Variants in GULP1 observed in about 807,000 individuals in gnomAD.
GULP1 encodes PTB domain-containing engulfment adapter protein 1.
GULP1 carries 19 observed loss-of-function variants against 40.9 expected under a neutral mutation model. That is an observed-to-expected ratio of 0.46 (90% CI 0.32 to 0.68). GULP1 has a LOEUF of 0.68. Among genes scored for constraint, GULP1 ranks in the 30% least tolerant of loss-of-function variants. The pLI, the probability that GULP1 is intolerant of heterozygous loss-of-function variation, is 0.03. For missense variants in GULP1, 312 were observed against 362.2 expected (o/e 0.86, Z 1.12); for synonymous variants, 119 against 117.6 (o/e 1.01, Z -0.08).
At chr2:188,335,169 A>G (rs1008231623) in intron 1 of GULP1, among the ~76,000 whole-genome samples, 2 of 152,250 alleles carry the variant, frequency 1.3e-5, no homozygotes, top group Non-Finnish European at 2.9e-5. Context: ...GCCAGACTAG[A>G]AAGGTAATAT....
chr2:188,531,763 A>C (rs115071255), intron 6 of GULP1, among the ~76,000 whole-genome samples: 555 of 152,354 alleles, frequency 3.6e-3, no homozygotes, highest in Non-Finnish European at 6.1e-3. Context: ...ATAAAGAACA[A>C]TAGACCAAGG....
At chr2:188,526,690 G>C (rs904427468) in intron 5 of GULP1, among the ~76,000 whole-genome samples, 1 of 152,086 alleles carries the variant, frequency 6.6e-6, no homozygotes, top group African/African-American at 2.4e-5. Flanking sequence ...TGTAACATAT[G>C]TTCAAAAATC....
At chr2:188,473,367 A>G (rs1206880524) in intron 2 of GULP1, among the ~76,000 whole-genome samples, 2 of 152,148 alleles carry the variant, frequency 1.3e-5, no homozygotes, top group African/African-American at 4.8e-5. Context: ...CATTCAGGGC[A>G]CTGTGTTATC....
intron 2 of GULP1, among the ~76,000 whole-genome samples, chr2:188,446,209 T>C (rs974653171): frequency 2.0e-5 from 3 of 152,088 alleles, no homozygotes; most frequent in African/African-American, 7.2e-5. Flanking sequence ...ATTACCTAAA[T>C]AGAGACAGCC....
intron 1 of GULP1, among the ~76,000 whole-genome samples, chr2:188,377,548 C>A (rs1008741790): frequency 5.9e-5 from 9 of 152,174 alleles, no homozygotes; most frequent in African/African-American, 1.7e-4. Flanking sequence ...TTAAGCCAGT[C>A]AGTGATTCTG....
chr2:188,341,437 T>C (rs1465835135), intron 1 of GULP1, among the ~76,000 whole-genome samples: 11 of 152,050 alleles, frequency 7.2e-5, no homozygotes, highest in Admixed American at 3.9e-4. Flanking sequence ...ACCTCCAATA[T>C]TGGGGATTAT....
At chr2:188,563,794 C>T (rs961912162) in intron 7 of GULP1, among the ~76,000 whole-genome samples, 5 of 151,638 alleles carry the variant, frequency 3.3e-5, no homozygotes, top group African/African-American at 9.7e-5. Context: ...ACTGTGTTAC[C>T]CTGATTGAAA....
At chr2:188,420,382 C>G (rs1455816812) in intron 2 of GULP1, among the ~76,000 whole-genome samples, 1 of 152,090 alleles carries the variant, frequency 6.6e-6, no homozygotes, top group Non-Finnish European at 1.5e-5. Flanking sequence ...GTATACAAAT[C>G]TCTCCTTAGT....
intron 7 of GULP1, among the ~76,000 whole-genome samples, chr2:188,555,794 C>T (rs1373048951): frequency 6.6e-6 from 1 of 152,026 alleles, no homozygotes; most frequent in Non-Finnish European, 1.5e-5. Context: ...GGTGTGGTGG[C>T]TTATACCTGT....
chr2:188,472,302 T>TA (rs2060655499), intron 2 of GULP1, among the ~76,000 whole-genome samples: 1 of 152,176 alleles, frequency 6.6e-6, no homozygotes, highest in Admixed American at 6.5e-5. Flanking sequence ...CGTACTTGGA[T>TA]ATTGCTCTCT....
chr2:188,372,366 T>A (rs2047710007), intron 1 of GULP1, among the ~76,000 whole-genome samples: 1 of 152,100 alleles, frequency 6.6e-6, no homozygotes, highest in Admixed American at 6.6e-5. Flanking sequence ...AAATTAAATA[T>A]CGTTAGTATT....
chr2:188,535,375 A>G (rs1206942464), intron 6 of GULP1, among the ~76,000 whole-genome samples: 1 of 151,902 alleles, frequency 6.6e-6, no homozygotes, highest in African/African-American at 2.4e-5. Context: ...CCCAGTGTCT[A>G]TTATTGCCAT....
At chr2:188,347,693 A>G (rs1282788269) in intron 1 of GULP1, among the ~76,000 whole-genome samples, 1 of 149,006 alleles carries the variant, frequency 6.7e-6, no homozygotes, top group Non-Finnish European at 1.5e-5. Context: ...GGCTCACTGC[A>G]ACCTTAACTT....
At chr2:188,432,815 C>T (rs181496873) in intron 2 of GULP1, among the ~76,000 whole-genome samples, 1 of 151,944 alleles carries the variant, frequency 6.6e-6, no homozygotes, top group Non-Finnish European at 1.5e-5. Context: ...ACTCTATTTT[C>T]AAGCCAATTT....
Position 188,383,795 on chromosome 2 carries a change from A to G in GULP1, c.-139A>G, listed in dbSNP as rs1036409178. 2 of 152,144 alleles carry G rather than the reference A, an allele frequency of 1.3e-5. No homozygotes were observed. The highest frequency in any genetic ancestry group is 1.3e-4 in the Admixed American group (2 of 15,274). 9.4% of individuals were successfully genotyped at this position (152,144 alleles called of 1,614,324 possible). On this transcript the variant is annotated 5_prime_UTR_variant, in exon 2 of 12. Transcript: ENST00000409830. ...TGATTCCATCTGATATACATAGGAGAGAAACTGATAGAAGAATTCTGATGG... is the reference window on the plus strand; with the variant it reads ...TGATTCCATCTGATATACATAGGAGGGAAACTGATAGAAGAATTCTGATGG...
intron 1 of GULP1, among the ~76,000 whole-genome samples, chr2:188,349,826 G>A (rs377133408): frequency 8.3e-4 from 126 of 152,216 alleles, no homozygotes; most frequent in African/African-American, 2.9e-3. Context: ...TCTTCTAAGA[G>A]TTTTACAGTT....
chr2:188,466,414 AC>A (rs2060129115), intron 2 of GULP1: 1 of 149,274 alleles, frequency 6.7e-6, no homozygotes, highest in Admixed American at 6.7e-5. Flanking sequence ...AGTAGCTGGG[AC>A]TACAGGCACC....
At chr2:188,297,594 G>A in intron 1 of GULP1, 1 of 426,942 alleles carries the variant, frequency 2.3e-6, no homozygotes, top group South Asian at 1.7e-5. Flanking sequence ...ACCATGGATG[G>A]CTATCCTTAT....
At chr2:188,521,883 TG>T (rs1281480916) in intron 4 of GULP1, among the ~76,000 whole-genome samples, 2 of 152,168 alleles carry the variant, frequency 1.3e-5, no homozygotes, top group African/African-American at 4.8e-5. Flanking sequence ...GAGACCATCC[TG>T]GCTAACACGG....
Sources: allele counts gnomAD v4.1 joint callset (sites outside exome capture counted in the v4.1 genomes callset), GRCh38; gene constraint gnomAD v4.1.1; transcripts MANE v1.5; gene names NCBI Gene and HGNC (gene_info 2026-07-23, HGNC 2026-07-21).